The following TENM2 variants were observed in gnomAD, a reference collection of about 807,000 sequenced individuals.
The protein encoded by TENM2 is teneurin transmembrane protein 2.
In TENM2, 52 loss-of-function variants were observed where a neutral mutation model predicts 245.2. The observed-to-expected ratio is 0.21, with a 90% confidence interval of 0.17 to 0.27. The LOEUF (loss-of-function observed/expected upper bound fraction) is 0.27. TENM2 is among the 10% of genes least tolerant of loss of function. TENM2 has a pLI of 1.00. For synonymous variants in TENM2, 1,363 were observed against 1,438.9 expected (o/e 0.95, Z 1.19); for missense variants, 3,046 against 3,666.8 (o/e 0.83, Z 4.37).
chr5:168,150,314 A>T (rs1756529410), intron 12 of TENM2, among the ~76,000 whole-genome samples: 1 of 152,230 alleles, frequency 6.6e-6, no homozygotes, highest in South Asian at 2.1e-4. Context: ...TAAATGTTTG[A>T]TGTGGGATTG....
At chr5:167,614,879 C>G (rs1481276979) in intron 2 of TENM2, among the ~76,000 whole-genome samples, 1 of 152,112 alleles carries the variant, frequency 6.6e-6, no homozygotes, top group Admixed American at 6.5e-5. Flanking sequence ...TTCCACAAGG[C>G]AAGCAGGAAA....
At chr5:167,815,407 G>T (rs1766967982) in intron 2 of TENM2, among the ~76,000 whole-genome samples, 1 of 152,136 alleles carries the variant, frequency 6.6e-6, no homozygotes, top group East Asian at 1.9e-4. Flanking sequence ...CCCCAGATGA[G>T]CTAAGTGAAC....
intron 6 of TENM2, among the ~76,000 whole-genome samples, chr5:168,060,978 G>A (rs759866498): frequency 1.3e-4 from 20 of 152,052 alleles, no homozygotes; most frequent in Non-Finnish European, 2.4e-4. Flanking sequence ...ACAGAATGTC[G>A]AGGGGAGCAT....
At chr5:167,387,589 T>C (rs1761514792) in intron 2 of TENM2, among the ~76,000 whole-genome samples, 1 of 152,156 alleles carries the variant, frequency 6.6e-6, no homozygotes, top group Non-Finnish European at 1.5e-5. Flanking sequence ...AATACTTGTT[T>C]TGTTTCAGTT....
At chr5:167,211,824 T>C in the TENM2 span, among the ~76,000 whole-genome samples, 3 of 152,164 alleles carry the variant, frequency 2.0e-5, no homozygotes, top group Non-Finnish European at 4.4e-5. Flanking sequence ...ATATTATATG[T>C]AATGTCATAT....
chr5:168,159,072 A>G (rs1024926353), intron 12 of TENM2, among the ~76,000 whole-genome samples: 1 of 151,354 alleles, frequency 6.6e-6, no homozygotes, highest in East Asian at 2.0e-4. Context: ...TGAACCTGAG[A>G]GGCGGAGGCT....
chr5:167,757,260 G>T (rs1471950522), intron 2 of TENM2, among the ~76,000 whole-genome samples: 1 of 138,362 alleles, frequency 7.2e-6, no homozygotes, highest in African/African-American at 2.7e-5. Flanking sequence ...CCCCCCAACA[G>T]GCCCCACTAT....
At chr5:168,028,919 G>T (rs776532400) in intron 5 of TENM2, among the ~76,000 whole-genome samples, 1 of 152,128 alleles carries the variant, frequency 6.6e-6, no homozygotes, top group Non-Finnish European at 1.5e-5. Context: ...TAGCCCAAGG[G>T]CATGGGAATA....
At chr5:167,714,894 T>C (rs1759157110) in intron 2 of TENM2, among the ~76,000 whole-genome samples, 1 of 152,224 alleles carries the variant, frequency 6.6e-6, no homozygotes. Flanking sequence ...GGAAATGGCT[T>C]CCAAATGTTA....
At chr5:167,523,624 A>C (rs1353842190) in intron 2 of TENM2, among the ~76,000 whole-genome samples, 1 of 152,174 alleles carries the variant, frequency 6.6e-6, no homozygotes. Context: ...TCTATGCGCC[A>C]CATTTGCTGT....
At chr5:167,845,508 A>G (rs182434215) in intron 2 of TENM2, among the ~76,000 whole-genome samples, 14 of 152,286 alleles carry the variant, frequency 9.2e-5, no homozygotes, top group Admixed American at 9.2e-4. Context: ...CATGATTTCC[A>G]TATTACTTTG....
chr5:167,710,550 A>G (rs1057048130), intron 2 of TENM2, among the ~76,000 whole-genome samples: 2 of 152,206 alleles, frequency 1.3e-5, no homozygotes, highest in African/African-American at 4.8e-5. Flanking sequence ...GACAGAAGGG[A>G]TAATGTGAAT....
At chr5:167,487,335 A>AT (rs1449151746) in intron 2 of TENM2, among the ~76,000 whole-genome samples, 1 of 151,952 alleles carries the variant, frequency 6.6e-6, no homozygotes, top group Non-Finnish European at 1.5e-5. Context: ...AACTAGATAG[A>AT]TTTGCATGTG....
intron 12 of TENM2, among the ~76,000 whole-genome samples, chr5:168,149,984 CA>C (rs1484927872): frequency 1.3e-5 from 2 of 152,170 alleles, no homozygotes; most frequent in African/African-American, 4.8e-5. Context: ...AACTTATCAT[CA>C]GGGGCTTCCC....
the TENM2 span, among the ~76,000 whole-genome samples, chr5:167,076,730 CT>C: frequency 6.6e-6 from 1 of 152,180 alleles, no homozygotes; most frequent in Non-Finnish European, 1.5e-5. Context: ...TAGCACCCCC[CT>C]GTTGAAAGTA....
At chr5:167,479,426 T>G (rs1193953901) in intron 2 of TENM2, among the ~76,000 whole-genome samples, 1 of 152,182 alleles carries the variant, frequency 6.6e-6, no homozygotes, top group African/African-American at 2.4e-5. Flanking sequence ...AACTAAGAAT[T>G]TTTAAAGGAC....
At chr5:167,627,022 G>A (rs1275991632) in intron 2 of TENM2, among the ~76,000 whole-genome samples, 4 of 152,178 alleles carry the variant, frequency 2.6e-5, no homozygotes, top group African/African-American at 7.2e-5. Context: ...ACAATGACAT[G>A]AGGGCTTGGA....
the TENM2 span, among the ~76,000 whole-genome samples, chr5:167,198,471 G>A: frequency 1.3e-5 from 2 of 152,028 alleles, no homozygotes; most frequent in African/African-American, 4.8e-5. Context: ...GAAATAGAAT[G>A]GGGAAATGGC....
the TENM2 span, among the ~76,000 whole-genome samples, chr5:167,163,525 T>A: frequency 7.0e-6 from 1 of 143,134 alleles, no homozygotes; most frequent in East Asian, 1.9e-4. Flanking sequence ...TTAATGTTTA[T>A]GATTTATCTG....
Sources: allele counts gnomAD v4.1 joint callset (sites outside exome capture counted in the v4.1 genomes callset), GRCh38; gene constraint gnomAD v4.1.1; transcripts MANE v1.5; gene names NCBI Gene and HGNC (gene_info 2026-07-23, HGNC 2026-07-21).